MRC1: variants seen among roughly 807,000 people sequenced by gnomAD.
MRC1 encodes macrophage mannose receptor 1.
A neutral mutation model predicts 102.9 loss-of-function variants in MRC1; 62 were observed. The observed-to-expected ratio is 0.60, with a 90% confidence interval of 0.49 to 0.74. The LOEUF is 0.74. MRC1 is among the 30% of genes least tolerant of loss of function. MRC1 has a pLI of 0.00. For missense variants in MRC1, 1,237 were observed against 862.8 expected, an observed-to-expected ratio of 1.43 and a Z score of -5.43; for synonymous variants, 457 against 298.4, an observed-to-expected ratio of 1.53 and a Z score of -5.48.
chr10:17,855,060 C>G (rs1280435534), intron 8 of MRC1, among the ~76,000 whole-genome samples: 1 of 152,072 alleles, frequency 6.6e-6, no homozygotes, highest in East Asian at 1.9e-4. Flanking sequence ...AACATGAAAT[C>G]TCAAAGGAAA....
rs1225992097 is a variant in MRC1 at position 17,833,656 on chromosome 10, C to T, written c.638-19C>T. The T allele has an allele frequency of 9.0e-6, 7 of 780,740 alleles. No homozygotes were observed. The East Asian group carries it at 1.2e-4, about 14-fold the overall frequency. 48.4% of individuals were successfully genotyped at this position (780,740 alleles called of 1,614,324 possible). ...TTTCTATGCATAATGAACCAAATTCCATCTGATTTCTTTCACAGTTGAGGG... is the reference window on the plus strand; with the variant it reads ...TTTCTATGCATAATGAACCAAATTCTATCTGATTTCTTTCACAGTTGAGGG... On this transcript the variant is annotated intron_variant, in intron 3 of 29. Transcript: ENST00000569591.
chr10:17,846,839 A>G (rs1838833054), intron 6 of MRC1, among the ~76,000 whole-genome samples: 3 of 152,178 alleles, frequency 2.0e-5, no homozygotes, highest in Admixed American at 6.5e-5. Flanking sequence ...TGTGTAATGG[A>G]TTTTTAATTT....
At chr10:17,844,522 A>G (rs1838797454) in intron 5 of MRC1, among the ~76,000 whole-genome samples, 1 of 152,138 alleles carries the variant, frequency 6.6e-6, no homozygotes, top group African/African-American at 2.4e-5. Flanking sequence ...GCCCTGCCCT[A>G]ATAATGTTTA....
chr10:17,836,976 T>C (rs1185871527), intron 4 of MRC1, among the ~76,000 whole-genome samples: 1 of 152,212 alleles, frequency 6.6e-6, no homozygotes, highest in Admixed American at 6.5e-5. Context: ...CTTGGAAGCC[T>C]GGGGACAGAG....
Position 17,809,403 on chromosome 10 carries a change from T to C in MRC1, c.-63T>C. 2.3e-6 allele frequency: 2 copies of C among 867,398 alleles called. No individual in the cohort carries two copies. Among genetic ancestry groups the C allele is most frequent in the Non-Finnish European group, 4.0e-6 (2 of 496,786 alleles). The allele number at this position is 867,398 out of a possible 1,614,324, so 53.7% of individuals were successfully genotyped here. ...GTGGAGAGGCAGTTGGGGGGCCTCGTTGTTTTGCGTCTTAGTTCCGCCCTC... is the reference window on the plus strand; with the variant it reads ...GTGGAGAGGCAGTTGGGGGGCCTCGCTGTTTTGCGTCTTAGTTCCGCCCTC... On this transcript the variant is annotated 5_prime_UTR_variant, in exon 1 of 30. Coordinates refer to ENST00000569591, the MANE Select transcript of MRC1 (RefSeq NM_002438.4).
intron 7 of MRC1, among the ~76,000 whole-genome samples, 177 bp downstream of exon 7, chr10:17,849,941 T>C (rs1444026645): frequency 6.7e-6 from 1 of 148,944 alleles, no homozygotes; most frequent in Non-Finnish European, 1.5e-5. Context: ...GAAAATTGTA[T>C]AATAATTGAA....
At chr10:17,883,331 G>A (rs990122117) in intron 21 of MRC1, among the ~76,000 whole-genome samples, 1 of 152,034 alleles carries the variant, frequency 6.6e-6, no homozygotes, top group Non-Finnish European at 1.5e-5. Context: ...GTCTTGCTAT[G>A]TTGCCCAGGC....
chr10:17,908,051 AG>A (rs1215612317), intron 28 of MRC1, among the ~76,000 whole-genome samples: 1 of 152,214 alleles, frequency 6.6e-6, no homozygotes, highest in Admixed American at 6.5e-5. Context: ...TGAGGAGACC[AG>A]GGTTCTGGAG....
chr10:17,842,094 C>A (rs954654796), intron 5 of MRC1, among the ~76,000 whole-genome samples: 10 of 152,168 alleles, frequency 6.6e-5, no homozygotes, highest in African/African-American at 2.2e-4. Flanking sequence ...TCCTAAGAGG[C>A]TGGGATTACA....
chr10:17,865,123 A>G (rs1833246169), intron 11 of MRC1, among the ~76,000 whole-genome samples: 1 of 152,228 alleles, frequency 6.6e-6, no homozygotes, highest in African/African-American at 2.4e-5. Context: ...CATCCCTTAT[A>G]GCAAATATTT....
chr10:17,815,250 C>T (rs916442340), intron 1 of MRC1, among the ~76,000 whole-genome samples: 2 of 152,090 alleles, frequency 1.3e-5, no homozygotes, highest in African/African-American at 2.4e-5. Flanking sequence ...ACACAGTCAG[C>T]GAGCAGCGGA....
At chr10:17,878,321 CT>C (rs2130687003) in intron 18 of MRC1, among the ~76,000 whole-genome samples, 1 of 152,278 alleles carries the variant, frequency 6.6e-6, no homozygotes, top group African/African-American at 2.4e-5. Flanking sequence ...GATAACCTTG[CT>C]AACCTTGCTG....
At chr10:17,904,894 C>T (rs1833876234) in intron 26 of MRC1, among the ~76,000 whole-genome samples, 2 of 152,290 alleles carry the variant, frequency 1.3e-5, no homozygotes, top group Middle Eastern at 6.8e-3. Flanking sequence ...CATTCCCTAG[C>T]TTTTCCTTTT....
At chr10:17,845,973 G>A (rs976286395) in intron 6 of MRC1, among the ~76,000 whole-genome samples, 4 of 152,180 alleles carry the variant, frequency 2.6e-5, no homozygotes, top group Admixed American at 2.0e-4. Flanking sequence ...ACAATGGCGC[G>A]ATCTCAGCTC....
chr10:17,892,591 T>A (rs1239577373), intron 22 of MRC1, among the ~76,000 whole-genome samples: 3 of 152,212 alleles, frequency 2.0e-5, no homozygotes, highest in African/African-American at 7.2e-5. Context: ...TCCTTACATA[T>A]CCAACTAGAG....
At position 17,900,805 on chromosome 10, in the gene MRC1, T is replaced by C. The variant is rs1833818804; in HGVS notation, c.3501T>C (p.Thr1167=). The C allele has an allele frequency of 2.6e-6, 2 of 780,804 alleles. No homozygotes were observed. The highest frequency in any genetic ancestry group is 3.4e-5 in the Admixed American group (2 of 59,020). 48.4% of individuals were successfully genotyped at this position (780,804 alleles called of 1,614,324 possible). ...CGTTGCAGACTGATAATCAATACACTTGGACTGATAAGTGGAGGGTGAGGT... is the reference window on the plus strand; with the variant it reads ...CGTTGCAGACTGATAATCAATACACCTGGACTGATAAGTGGAGGGTGAGGT... ...LNSNLTDNQY[T]WTDKWRVRYT... is the part of the protein sequence containing the mutation. Residue 1167 remains threonine, a synonymous_variant, in exon 25 of 30, where the codon ACT becomes ACC. Coordinates refer to ENST00000569591, the MANE Select transcript of MRC1 (RefSeq NM_002438.4).
chr10:17,899,090 G>A (rs2130715350), intron 24 of MRC1, among the ~76,000 whole-genome samples: 1 of 144,930 alleles, frequency 6.9e-6, no homozygotes, highest in South Asian at 2.3e-4. Flanking sequence ...AGAACATAAG[G>A]AAGGAATATC....
intron 3 of MRC1, among the ~76,000 whole-genome samples, chr10:17,830,989 A>G (rs949598287): frequency 6.6e-6 from 1 of 150,600 alleles, no homozygotes; most frequent in Non-Finnish European, 1.5e-5. Flanking sequence ...CCCGGGTTCA[A>G]GTGATTCTCC....
At chr10:17,864,344 A>T (rs1833229914) in intron 11 of MRC1, among the ~76,000 whole-genome samples, 1 of 152,152 alleles carries the variant, frequency 6.6e-6, no homozygotes, top group Non-Finnish European at 1.5e-5. Context: ...TATTAAATGG[A>T]CATAAAGCTT....
Sources: gnomAD v4.1 joint callset for allele counts (sites outside exome capture counted in the v4.1 genomes callset) on GRCh38, gnomAD v4.1.1 for gene constraint, MANE v1.5 for transcripts, NCBI Gene and HGNC (gene_info 2026-07-23, HGNC 2026-07-21) for gene names.